Variants in MTUS2 observed in about 807,000 individuals in gnomAD.
MTUS2 encodes microtubule associated scaffold protein 2.
A neutral mutation model predicts 114.1 loss-of-function variants in MTUS2; 40 were observed. The ratio of observed to expected loss-of-function variants is 0.35; its 90% confidence interval spans 0.27 to 0.46. The LOEUF is 0.46. Among genes scored for constraint, MTUS2 ranks in the 20% least tolerant of loss-of-function variants. MTUS2 has a pLI of 1.00. For missense variants in MTUS2, 1,679 were observed against 1,705.4 expected (o/e 0.98, Z 0.27); for synonymous variants, 688 against 672.0 (o/e 1.02, Z -0.37).
intron 7 of MTUS2, among the ~76,000 whole-genome samples, chr13:29,353,927 T>C (rs1167594565): frequency 6.6e-6 from 1 of 152,198 alleles, no homozygotes; most frequent in Non-Finnish European, 1.5e-5. Context: ...GATCAGAATC[T>C]GGCTGAAAAT....
chr13:29,058,552 C>T (rs1163589208), intron 4 of MTUS2, among the ~76,000 whole-genome samples: 1 of 131,842 alleles, frequency 7.6e-6, no homozygotes, highest in African/African-American at 2.8e-5. Context: ...ATTCTTTTCT[C>T]AGCCAGGTTG....
intron 1 of MTUS2, among the ~76,000 whole-genome samples, chr13:28,830,601 T>C (rs531790863): frequency 1.3e-5 from 2 of 151,928 alleles, no homozygotes; most frequent in African/African-American, 4.8e-5. Flanking sequence ...AATTATATAC[T>C]ATGAGGAACA....
At chr13:29,079,835 C>T (rs1889363377) in intron 4 of MTUS2, among the ~76,000 whole-genome samples, 1 of 152,098 alleles carries the variant, frequency 6.6e-6, no homozygotes, top group Non-Finnish European at 1.5e-5. Flanking sequence ...TATGAGCCCT[C>T]CAACTTTGTT....
chr13:29,035,344 G>T (rs2475538), intron 4 of MTUS2, among the ~76,000 whole-genome samples: 71,572 of 152,056 alleles, frequency 0.47, 17,317 homozygotes, highest in South Asian at 0.72. Context: ...TAGCGCTGCT[G>T]GGGGGATCAC....
At chr13:28,992,085 C>T (rs573669017) in intron 2 of MTUS2, among the ~76,000 whole-genome samples, 1 of 152,168 alleles carries the variant, frequency 6.6e-6, no homozygotes, top group Non-Finnish European at 1.5e-5. Flanking sequence ...GGGGGACTCT[C>T]TCAATCTCCC....
chr13:29,180,302 C>T (rs75586757), intron 5 of MTUS2, among the ~76,000 whole-genome samples: 2 of 152,074 alleles, frequency 1.3e-5, no homozygotes, highest in Non-Finnish European at 2.9e-5. Context: ...ACCTCCAAAG[C>T]GCATAAATGG....
At chr13:29,275,218 G>A (rs2139516901) in intron 5 of MTUS2, among the ~76,000 whole-genome samples, 1 of 151,958 alleles carries the variant, frequency 6.6e-6, no homozygotes, top group Admixed American at 6.5e-5. Context: ...AAAACTCTTT[G>A]TTAATATTTT....
intron 1 of MTUS2, among the ~76,000 whole-genome samples, chr13:28,829,367 A>G (rs985568993): frequency 5.9e-5 from 9 of 151,962 alleles, no homozygotes; most frequent in Non-Finnish European, 1.3e-4. Context: ...CTCTCCTAAA[A>G]GTACAAAAAA....
At chr13:29,226,737 C>T (rs1481540289) in intron 5 of MTUS2, among the ~76,000 whole-genome samples, 1 of 152,112 alleles carries the variant, frequency 6.6e-6, no homozygotes, top group Non-Finnish European at 1.5e-5. Flanking sequence ...GAAAAGGAAT[C>T]TATGCCTTTG....
intron 8 of MTUS2, among the ~76,000 whole-genome samples, chr13:29,387,022 G>A (rs1363296638): frequency 6.6e-6 from 1 of 152,202 alleles, no homozygotes; most frequent in Non-Finnish European, 1.5e-5. Context: ...TCATTCCACA[G>A]ATCTTTACTT....
intron 5 of MTUS2, among the ~76,000 whole-genome samples, chr13:29,186,836 T>G (rs1894246163): frequency 6.6e-6 from 1 of 152,170 alleles, no homozygotes; most frequent in Admixed American, 6.5e-5. Flanking sequence ...CAAGTGCACA[T>G]GGAATATTCT....
intron 2 of MTUS2, among the ~76,000 whole-genome samples, chr13:28,930,226 A>G (rs1881542326): frequency 6.6e-6 from 1 of 152,248 alleles, no homozygotes; most frequent in African/African-American, 2.4e-5. Context: ...ATTCTCTATC[A>G]GAAAAATGAT....
chr13:29,172,391 T>A lies in MTUS2; in HGVS notation c.2644+71421T>A, dbSNP rs190593803. 3.0e-3 allele frequency among the ~76,000 whole-genome samples: 453 copies of A among 152,342 alleles called. 2 individuals are homozygous for A. Among genetic ancestry groups the A allele is most frequent in the Non-Finnish European group, 5.2e-3 (356 of 68,026 alleles). Reference sequence around the variant, plus strand: ...GGGTTTAGGTACATCAAGGACTGACTCTTGTTCAAGTGAGTGCAGTTTGGC... The same window carrying A: ...GGGTTTAGGTACATCAAGGACTGACACTTGTTCAAGTGAGTGCAGTTTGGC... On this transcript the variant is annotated intron_variant, in intron 5 of 15. Transcript: ENST00000612955.
At chr13:29,333,214 T>G (rs536899682) in intron 7 of MTUS2, among the ~76,000 whole-genome samples, 28 of 152,300 alleles carry the variant, frequency 1.8e-4, no homozygotes, top group African/African-American at 6.7e-4. Flanking sequence ...TTCTTTTTTT[T>G]GAGATACAGT....
intron 5 of MTUS2, among the ~76,000 whole-genome samples, chr13:29,125,071 A>G (rs1593502689): frequency 2.0e-5 from 3 of 152,364 alleles, no homozygotes; most frequent in East Asian, 3.9e-4. Flanking sequence ...ACACTTAAAA[A>G]TAGTAAAATT....
intron 5 of MTUS2, among the ~76,000 whole-genome samples, chr13:29,112,017 G>A (rs1890902961): frequency 6.6e-6 from 1 of 152,152 alleles, no homozygotes; most frequent in Non-Finnish European, 1.5e-5. Context: ...ACATCCAGCA[G>A]ACATCCATCC....
chr13:28,922,406 G>A (rs73437266), intron 2 of MTUS2, among the ~76,000 whole-genome samples: 1,717 of 152,292 alleles, frequency 0.011, 35 homozygotes, highest in African/African-American at 0.039. Context: ...CCTAGGAATT[G>A]CAGTCCTTGT....
chr13:29,426,057 G>T (rs1876500390), intron 8 of MTUS2, among the ~76,000 whole-genome samples: 1 of 152,168 alleles, frequency 6.6e-6, no homozygotes, highest in Non-Finnish European at 1.5e-5. Flanking sequence ...TCAATGTAGG[G>T]AGTTTAGTTA....
intron 2 of MTUS2, among the ~76,000 whole-genome samples, chr13:28,909,516 T>C (rs1593292067): frequency 6.6e-6 from 1 of 152,096 alleles, no homozygotes. Context: ...ATTAGGTATT[T>C]ATGGGATGTA....
Sources: gnomAD v4.1 joint callset for allele counts (sites outside exome capture counted in the v4.1 genomes callset) on GRCh38, gnomAD v4.1.1 for gene constraint, MANE v1.5 for transcripts, NCBI Gene and HGNC (gene_info 2026-07-23, HGNC 2026-07-21) for gene names.